PCP4: variants seen among roughly 807,000 people sequenced by gnomAD.
The protein encoded by PCP4 is calmodulin regulator protein PCP4.
PCP4 carries 8 observed loss-of-function variants against 10.0 expected under a neutral mutation model. That is an observed-to-expected ratio of 0.80 (90% confidence interval 0.47 to 1.45). The LOEUF (loss-of-function observed/expected upper bound fraction) is 1.45. Ranked by LOEUF, PCP4 falls within the 40% of genes most tolerant of loss-of-function variation. PCP4 has a pLI of 0.00. For synonymous variants in PCP4, 21 were observed against 23.0 expected, an observed-to-expected ratio of 0.91 and a Z score of 0.24; for missense variants, 54 against 74.4, an observed-to-expected ratio of 0.73 and a Z score of 1.01.
intron 1 of PCP4, among the ~76,000 whole-genome samples, chr21:39,895,826 A>G (rs2087454349): frequency 6.6e-6 from 1 of 152,192 alleles, no homozygotes; most frequent in Admixed American, 6.5e-5. Flanking sequence ...ACTGCCTGGT[A>G]TTGTAAAGAC....
intron 2 of PCP4, among the ~76,000 whole-genome samples, chr21:39,928,494 G>A (rs1027904917): frequency 5.9e-5 from 9 of 152,196 alleles, no homozygotes; most frequent in Non-Finnish European, 1.2e-4. Flanking sequence ...CCATCTTGAC[G>A]ATGATAAAAA....
intron 1 of PCP4, among the ~76,000 whole-genome samples, chr21:39,885,426 G>A (rs1186548892): frequency 6.6e-6 from 1 of 152,202 alleles, no homozygotes; most frequent in Non-Finnish European, 1.5e-5. Flanking sequence ...TCTGCCAGGC[G>A]CTGCCCTCAC....
chr21:39,911,820 G>A (rs2087541412), intron 2 of PCP4, among the ~76,000 whole-genome samples: 1 of 152,212 alleles, frequency 6.6e-6, no homozygotes, highest in African/African-American at 2.4e-5. Context: ...CTTGTTTGTG[G>A]AAGAAGGAGA....
chr21:39,893,514 C>T (rs1006073809), intron 1 of PCP4, among the ~76,000 whole-genome samples: 6 of 152,316 alleles, frequency 3.9e-5, no homozygotes, highest in African/African-American at 9.6e-5. Flanking sequence ...TTGCTTGGCA[C>T]GTGTTTAAGA....
At position 39,898,392 on chromosome 21, in the gene PCP4, G is replaced by A. The variant is rs760218508; in HGVS notation, c.10-84G>A. ...ACATAGAACTTGATATAATGCAAGA[G>A]ATGTTTGCAACAATAAAAGAGACAA... On this transcript the variant is annotated intron_variant, in intron 1 of 2. Coordinates refer to ENST00000328619, the MANE Select transcript of PCP4 (RefSeq NM_006198.3). 6.7e-6 allele frequency: 7 copies of A among 1,052,584 alleles called. No individual in the cohort carries two copies. In the Middle Eastern group the frequency reaches 1.2e-3, roughly 180 times the overall value. 65.2% of individuals were successfully genotyped at this position (1,052,584 alleles called of 1,614,324 possible).
intron 1 of PCP4, among the ~76,000 whole-genome samples, chr21:39,877,152 C>T (rs979945103): frequency 2.0e-5 from 3 of 152,126 alleles, no homozygotes; most frequent in Non-Finnish European, 4.4e-5. Flanking sequence ...TTAAACCTGT[C>T]CAAATTCCAC....
intron 2 of PCP4, among the ~76,000 whole-genome samples, chr21:39,902,022 C>T (rs1028721311): frequency 2.6e-5 from 4 of 152,002 alleles, no homozygotes; most frequent in Non-Finnish European, 5.9e-5. Flanking sequence ...TTGGAATTTC[C>T]ATTTTAACCT....
chr21:39,895,075 T>TCATCCATCCACCCACCCATC (rs985427151), intron 1 of PCP4, among the ~76,000 whole-genome samples: 5 of 151,570 alleles, frequency 3.3e-5, no homozygotes, highest in Admixed American at 6.6e-5. Context: ...ACACACCCAT[T>TCATCCATCCACCCACCCATC]CATCCATCCA....
chr21:39,898,588 A>C lies in PCP4; in HGVS notation c.61+61A>C, dbSNP rs769017835. 133 of 1,308,702 alleles carry C rather than the reference A, an allele frequency of 1.0e-4. 1 individual carries two copies. The highest frequency in any genetic ancestry group is 1.4e-4 in the Non-Finnish European group (125 of 903,062). The allele number at this position is 1,308,702 out of a possible 1,614,324, so 81.1% of individuals were successfully genotyped here. ...TTGCCATCTGCAGCCCTGGGTATGC[A>C]GCAGGTGCGGATCATACATCCCATC... On this transcript the variant is annotated intron_variant, in intron 2 of 2. Coordinates refer to ENST00000328619, the MANE Select transcript of PCP4 (RefSeq NM_006198.3).
rs562275165 is a variant in PCP4, at chr21:39,886,623, A to T, written c.10-11853A>T. On this transcript the variant is annotated intron_variant, in intron 1 of 2. Coordinates refer to ENST00000328619, the MANE Select transcript of PCP4 (RefSeq NM_006198.3). The stretch of plus-strand genomic sequence containing the variant: ...TCCATCTCAAAAATAAACAAGTGAC[A>T]AGTATGAAATATGTAAGATTTGAAA... Among the ~76,000 whole-genome samples, 7 of 152,286 alleles carry T rather than the reference A, an allele frequency of 4.6e-5. No individual in the cohort carries two copies. The East Asian group carries it at 1.4e-3, about 29-fold the overall frequency.
chr21:39,886,451 C>T (rs992849922), intron 1 of PCP4, among the ~76,000 whole-genome samples: 1 of 152,074 alleles, frequency 6.6e-6, no homozygotes, highest in Non-Finnish European at 1.5e-5. Flanking sequence ...ACTAAAAATA[C>T]AAAATTAGCT....
At chr21:39,927,279 G>GATCT (rs10526940) in intron 2 of PCP4, among the ~76,000 whole-genome samples, 30,087 of 139,082 alleles carry the variant, frequency 0.22, 3,755 homozygotes, top group East Asian at 0.33. Flanking sequence ...CTGTCTCTCT[G>GATCT]ATCTATCTAT....
At chr21:39,928,613 A>G (rs1487209893) in intron 2 of PCP4, among the ~76,000 whole-genome samples, 1 of 152,234 alleles carries the variant, frequency 6.6e-6, no homozygotes, top group South Asian at 2.1e-4. Flanking sequence ...AATATCAGCT[A>G]TCATTGGACC....
intron 2 of PCP4, among the ~76,000 whole-genome samples, chr21:39,920,664 C>T (rs1236452675): frequency 1.3e-5 from 2 of 152,202 alleles, no homozygotes; most frequent in Non-Finnish European, 1.5e-5. Flanking sequence ...TGCTGTGTTT[C>T]AAACTTTTTA....
chr21:39,886,850 A>G (rs1182210190), intron 1 of PCP4, among the ~76,000 whole-genome samples: 1 of 152,242 alleles, frequency 6.6e-6, no homozygotes, highest in Non-Finnish European at 1.5e-5. Flanking sequence ...CTATAAGAAG[A>G]TGAAAAGAAA....
intron 1 of PCP4, among the ~76,000 whole-genome samples, chr21:39,893,335 G>A (rs144106105): frequency 2.0e-5 from 3 of 151,552 alleles, no homozygotes; most frequent in East Asian, 3.9e-4. Flanking sequence ...TATGGATACC[G>A]GGCATGTATG....
rs1337905828 is a variant in PCP4 at position 39,927,322 on chromosome 21, CATCT to C, written c.62-1649_62-1646del. Among the ~76,000 whole-genome samples, 978 of 130,060 alleles carry C rather than the reference CATCT, an allele frequency of 7.5e-3. 10 individuals carry two copies. Among genetic ancestry groups the C allele is most frequent in the Admixed American group, 0.017 (227 of 13,292 alleles). 85.3% of individuals were successfully genotyped at this position (130,060 alleles called of 152,430 possible). On this transcript the variant is annotated intron_variant, in intron 2 of 2. Coordinates refer to ENST00000328619, the MANE Select transcript of PCP4 (RefSeq NM_006198.3). Reference sequence around the variant, plus strand: ...TCTATCTATCTATCTATCTATCTATCATCTATCTATCTATCTGTCTATCTATCTA... The same window carrying C: ...TCTATCTATCTATCTATCTATCTATCATCTATCTATCTGTCTATCTATCTA...
chr21:39,892,467 T>C (rs1353433781), intron 1 of PCP4, among the ~76,000 whole-genome samples: 2 of 151,884 alleles, frequency 1.3e-5, no homozygotes, highest in African/African-American at 4.8e-5. Context: ...CTTTTTAGTC[T>C]TCTCCCTAGA....
chr21:39,921,184 TTA>T (rs2087595156), intron 2 of PCP4, among the ~76,000 whole-genome samples: 1 of 152,174 alleles, frequency 6.6e-6, no homozygotes, highest in Non-Finnish European at 1.5e-5. Context: ...GTTGACTGTA[TTA>T]TGTGTTTAGA....
Sources: allele counts gnomAD v4.1 joint callset (sites outside exome capture counted in the v4.1 genomes callset), GRCh38; gene constraint gnomAD v4.1.1; transcripts MANE v1.5; gene names NCBI Gene and HGNC (gene_info 2026-07-23, HGNC 2026-07-21).